The following NELL1 variants were observed in gnomAD, a reference collection of about 807,000 sequenced individuals.
NELL1 encodes the protein neural EGFL like 1.
A neutral mutation model predicts 107.4 loss-of-function variants in NELL1; 76 were observed. That is an observed-to-expected ratio of 0.71 (90% CI 0.59 to 0.86). NELL1 has a LOEUF of 0.86. Ranked by LOEUF, NELL1 falls within the 40% of genes least tolerant of loss-of-function variation. NELL1 has a pLI of 0.00. For synonymous variants in NELL1, 353 were observed against 341.2 expected (o/e 1.03, Z -0.38); for missense variants, 1,024 against 1,005.5 (o/e 1.02, Z -0.25).
rs1607097 is a variant in NELL1 at position 21,034,294 on chromosome 11, C to T, written c.1300+73734C>T. Among the ~76,000 whole-genome samples the T allele has an allele frequency of 2.3e-3, 345 of 152,066 alleles. 5 individuals are homozygous for T. In the East Asian group the frequency reaches 0.046, roughly 20 times the overall value. On this transcript the variant is annotated intron_variant, in intron 12 of 19. Transcript: ENST00000357134. ...CTTCCTCCATTGCTTGTTTTTGTCA[C>T]GTTTGTGAAAGATCAGATAGTTATA...
intron 15 of NELL1, among the ~76,000 whole-genome samples, chr11:21,455,301 C>CT (rs199795196): frequency 1.5e-4 from 18 of 121,750 alleles, no homozygotes; most frequent in Non-Finnish European, 1.7e-4. Context: ...TGGCTATTTC[C>CT]TTTTTTTTTT....
intron 10 of NELL1, among the ~76,000 whole-genome samples, chr11:20,939,745 T>C (rs1850809284): frequency 6.6e-6 from 1 of 152,096 alleles, no homozygotes; most frequent in Admixed American, 6.5e-5. Flanking sequence ...ATGTGATAAA[T>C]GCTCTCTTCA....
rs200601314 is a variant in NELL1 at position 20,947,423 on chromosome 11, C to G, written c.1159C>G (p.Arg387Gly). The G allele has an allele frequency of 3.5e-5, 56 of 1,613,590 alleles. 2 individuals carry two copies. Among genetic ancestry groups the G allele is most frequent in the Admixed American group, 2.8e-4 (17 of 59,966 alleles). The change falls in exon 11 of 20, where the codon CGT becomes GGT. Residue 387 changes from arginine (R) to glycine (G), a missense_variant. Physicochemically the swap from Arg to Gly is moderately radical, Grantham distance 125. Transcript: ENST00000357134. ...DHILPENQCC[R>G]VCRGHNFCAE... ...CATTCTTCCTGAGAATCAGTGCTGC[C>G]GTGTCTGTAGAGGTAAGTGGGCTTG...
At chr11:21,255,533 A>G (rs1858746819) in intron 14 of NELL1, among the ~76,000 whole-genome samples, 1 of 152,054 alleles carries the variant, frequency 6.6e-6, no homozygotes. Context: ...GGGGGAGAAA[A>G]AAACAACTTC....
intron 14 of NELL1, among the ~76,000 whole-genome samples, chr11:21,333,212 G>A (rs868009556): frequency 6.6e-6 from 1 of 152,006 alleles, no homozygotes. Context: ...AGACTAAAGG[G>A]CAAAGCAGCA....
At chr11:21,407,336 A>C (rs2133805559) in intron 15 of NELL1, among the ~76,000 whole-genome samples, 1 of 152,168 alleles carries the variant, frequency 6.6e-6, no homozygotes, top group Admixed American at 6.5e-5. Flanking sequence ...GTATCACTTG[A>C]GCCTGGGAGG....
intron 15 of NELL1, among the ~76,000 whole-genome samples, chr11:21,483,504 G>A (rs1854543429): frequency 1.3e-5 from 2 of 152,040 alleles, no homozygotes; most frequent in South Asian, 4.1e-4. Context: ...GTCATTGTCT[G>A]AATCAAGAAT....
At chr11:20,898,737 T>C (rs1303791997) in intron 5 of NELL1, among the ~76,000 whole-genome samples, 1 of 152,118 alleles carries the variant, frequency 6.6e-6, no homozygotes, top group African/African-American at 2.4e-5. Context: ...TTGTTTACCA[T>C]TTGTATATAT....
chr11:21,119,002 T>C (rs1019169391), intron 13 of NELL1, among the ~76,000 whole-genome samples: 2 of 152,062 alleles, frequency 1.3e-5, no homozygotes, highest in African/African-American at 4.8e-5. Context: ...TCACAAGTGT[T>C]ATAAAAGATA....
At chr11:21,117,433 T>G (rs1241840089) in intron 13 of NELL1, among the ~76,000 whole-genome samples, 3 of 152,026 alleles carry the variant, frequency 2.0e-5, no homozygotes, top group Non-Finnish European at 4.4e-5. Flanking sequence ...AAACATTTGT[T>G]GAATGAAATA....
intron 15 of NELL1, among the ~76,000 whole-genome samples, chr11:21,458,413 C>T (rs141965963): frequency 1.3e-4 from 19 of 151,886 alleles, no homozygotes; most frequent in African/African-American, 4.6e-4. Flanking sequence ...GATTTATGTA[C>T]AAAGATAATA....
chr11:21,231,619 C>T (rs1422405191), intron 14 of NELL1, among the ~76,000 whole-genome samples: 14 of 152,040 alleles, frequency 9.2e-5, no homozygotes, highest in African/African-American at 3.4e-4. Flanking sequence ...ATTAATTGCC[C>T]TTGTCCAGTG....
intron 15 of NELL1, among the ~76,000 whole-genome samples, chr11:21,491,469 G>T (rs1854809515): frequency 6.6e-6 from 1 of 152,026 alleles, no homozygotes; most frequent in African/African-American, 2.4e-5. Flanking sequence ...TTTCCCCATT[G>T]CTTGTTTTTC....
intron 12 of NELL1, among the ~76,000 whole-genome samples, chr11:20,999,721 C>CAA (rs5790153): frequency 0.031 from 4,249 of 138,320 alleles, 161 homozygotes; most frequent in African/African-American, 0.093. Flanking sequence ...GGTACCCTTG[C>CAA]AAAAAAAAAA....
chr11:20,738,780 G>A (rs900238720), intron 2 of NELL1, among the ~76,000 whole-genome samples: 4 of 152,172 alleles, frequency 2.6e-5, no homozygotes, highest in Non-Finnish European at 1.5e-5. Flanking sequence ...GCTAGAGGAC[G>A]AGAAGCCAGA....
At chr11:20,773,153 C>T (rs1401949410) in intron 2 of NELL1, among the ~76,000 whole-genome samples, 1 of 152,182 alleles carries the variant, frequency 6.6e-6, no homozygotes. Context: ...TGCTCTCCTG[C>T]TGGGCCACCA....
At chr11:21,468,111 T>C (rs1247877692) in intron 15 of NELL1, among the ~76,000 whole-genome samples, 1 of 152,096 alleles carries the variant, frequency 6.6e-6, no homozygotes, top group Non-Finnish European at 1.5e-5. Context: ...TCTGGCATTT[T>C]AATTATAAAA....
chr11:20,949,488 T>C (rs1042326279), intron 11 of NELL1, among the ~76,000 whole-genome samples: 8 of 152,234 alleles, frequency 5.3e-5, no homozygotes, highest in Non-Finnish European at 8.8e-5. Flanking sequence ...GTAGGTCTTA[T>C]AATTTAATGC....
Position 21,121,847 on chromosome 11 carries a change from T to A in NELL1, c.1426+8133T>A, listed in dbSNP as rs139336545. 2.2e-3 allele frequency among the ~76,000 whole-genome samples: 331 copies of A among 152,314 alleles called. 1 individual carries two copies. The highest frequency in any genetic ancestry group is 7.6e-3 in the African/African-American group (315 of 41,582). ...ATAGTATAAAAATTCATCGAAAGTT[T>A]GTTTTTCCAGACCAATTTTAGTTTT... On this transcript the variant is annotated intron_variant, in intron 13 of 19. Coordinates refer to ENST00000357134, the MANE Select transcript of NELL1 (RefSeq NM_006157.5).
Sources: gnomAD v4.1 joint callset for allele counts (sites outside exome capture counted in the v4.1 genomes callset) on GRCh38, gnomAD v4.1.1 for gene constraint, MANE v1.5 for transcripts, NCBI Gene and HGNC (gene_info 2026-07-23, HGNC 2026-07-21) for gene names.